The following SCAF4 variants were observed in gnomAD, a reference collection of about 807,000 sequenced individuals.
SCAF4 encodes SR-related CTD associated factor 4.
SCAF4 carries 25 observed loss-of-function variants against 129.8 expected under a neutral mutation model. The ratio of observed to expected loss-of-function variants is 0.19; its 90% confidence interval spans 0.14 to 0.27. The LOEUF is 0.27. Ranked by LOEUF, SCAF4 falls within the 10% of genes least tolerant of loss-of-function variation. The probability of loss-of-function intolerance (pLI) is 1.00; values close to 1 mark genes in which losing one functional copy is unlikely to be tolerated. For missense variants in SCAF4, 1,246 were observed against 1,457.1 expected (o/e 0.86, Z 2.36); for synonymous variants, 551 against 497.7 (o/e 1.11, Z -1.43).
chr21:31,671,943 G>T lies in SCAF4; in HGVS notation c.2900C>A (p.Pro967Gln), dbSNP rs1181761598. Residue 967 changes from proline to glutamine, a missense_variant, in exon 20 of 20, where the codon CCA becomes CAA. Physicochemically the swap from Pro to Gln is moderately conservative, Grantham distance 76. Transcript: ENST00000286835. The part of the protein sequence containing the change: ...QQPQQQQQQQ[P>Q]PPSQQPPPTQ... ...TGGTGGAGGCTGTTGTGATGGTGGT[G>T]GCTGCTGCTGCTGCTGCTGCTGTGG... The T allele has an allele frequency of 9.3e-6, 15 of 1,606,392 alleles. No individual in the cohort carries two copies. Among genetic ancestry groups the T allele is most frequent in the East Asian group, 4.5e-5 (2 of 44,812 alleles).
At chr21:31,689,705 G>A (rs2050212733) in intron 15 of SCAF4, among the ~76,000 whole-genome samples, 1 of 151,316 alleles carries the variant, frequency 6.6e-6, no homozygotes, top group Admixed American at 6.6e-5. Flanking sequence ...TGAGGCAGTA[G>A]GCAGATCACC....
intron 1 of SCAF4, among the ~76,000 whole-genome samples, chr21:31,729,692 GAA>G (rs1409532690): frequency 6.6e-6 from 1 of 152,192 alleles, no homozygotes; most frequent in African/African-American, 2.4e-5. Context: ...TAATTTAGCA[GAA>G]GAGAGCTGGC....
At chr21:31,692,175 G>T (rs2050275021) in intron 13 of SCAF4, 174 bp downstream of exon 13, 1 of 592,932 alleles carries the variant, frequency 1.7e-6, no homozygotes, top group Non-Finnish European at 3.0e-6. Context: ...TAAATACAAA[G>T]AATTCTAAGA....
chr21:31,718,013 G>A (rs954434951), intron 1 of SCAF4, among the ~76,000 whole-genome samples: 6 of 151,142 alleles, frequency 4.0e-5, no homozygotes, highest in Admixed American at 6.6e-5. Flanking sequence ...GCGCGATCTC[G>A]GCTCACCACA....
At chr21:31,683,518 G>C (rs1349865930) in intron 19 of SCAF4, among the ~76,000 whole-genome samples, 3 of 152,100 alleles carry the variant, frequency 2.0e-5, no homozygotes, top group Non-Finnish European at 4.4e-5. Flanking sequence ...GAGTTCATGA[G>C]ATCTTTTCAC....
intron 1 of SCAF4, among the ~76,000 whole-genome samples, chr21:31,729,518 C>G (rs1023085120): frequency 6.6e-6 from 1 of 152,174 alleles, no homozygotes; most frequent in African/African-American, 2.4e-5. Flanking sequence ...GGTGAGCAGG[C>G]ACTCAAAAGT....
chr21:31,674,446 T>C (rs1281578021), intron 19 of SCAF4, among the ~76,000 whole-genome samples: 1 of 152,218 alleles, frequency 6.6e-6, no homozygotes, highest in African/African-American at 2.4e-5. Context: ...CTGGGTTTCC[T>C]TTTAACCCTT....
At position 31,706,581 on chromosome 21, in the gene SCAF4, G is replaced by C. The variant is rs2050669352; in HGVS notation, c.31-224C>G. 2.9e-5 allele frequency: 15 copies of C among 515,016 alleles called. 1 individual carries two copies. In the South Asian group the frequency reaches 4.0e-4, roughly 14 times the overall value. The allele number at this position is 515,016 out of a possible 1,614,324, so 31.9% of individuals were successfully genotyped here. On this transcript the variant is annotated intron_variant, in intron 1 of 19. Coordinates refer to ENST00000286835, the MANE Select transcript of SCAF4 (RefSeq NM_020706.2). ...CAAGAAGAAGGTTAGCTCTGCCAAAGGGGTGGCGAAGGGGTAGTGAAATGA... is the reference window on the plus strand; with the variant it reads ...CAAGAAGAAGGTTAGCTCTGCCAAACGGGTGGCGAAGGGGTAGTGAAATGA...
chr21:31,709,702 C>T (rs1387608197), intron 1 of SCAF4, among the ~76,000 whole-genome samples: 1 of 152,098 alleles, frequency 6.6e-6, no homozygotes, highest in Non-Finnish European at 1.5e-5. Flanking sequence ...CAGAGTATTA[C>T]TACATTCCAT....
At chr21:31,694,502 T>C (rs1052050002) in intron 10 of SCAF4, among the ~76,000 whole-genome samples, 15 of 152,202 alleles carry the variant, frequency 9.9e-5, no homozygotes, top group African/African-American at 3.6e-4. Context: ...TTAAAAGAAA[T>C]ATTTCTCTAC....
Position 31,701,880 on chromosome 21 carries a change from G to C in SCAF4, c.496C>G (p.Pro166Ala), listed in dbSNP as rs1568847071. 2 of 1,614,048 alleles carry C rather than the reference G, an allele frequency of 1.2e-6. No homozygotes were observed. Among genetic ancestry groups the C allele is most frequent in the Non-Finnish European group, 1.7e-6 (2 of 1,179,988 alleles). The change falls in exon 6 of 20, where the codon CCC (proline) becomes GCC (alanine). Residue 166 changes from proline (P) to alanine (A), a missense_variant. Transcript: ENST00000286835. ...PPPVKVSSEP[P>A]TQATPNSVPA... ...ACGGAGTTTGGAGTGGCTTGTGTGGGAGGTTCAGAAGAAACTTTTACTGGA... is the reference window on the plus strand; with the variant it reads ...ACGGAGTTTGGAGTGGCTTGTGTGGCAGGTTCAGAAGAAACTTTTACTGGA...
In SCAF4 at chr21:31,672,013, G is replaced by A. The variant is rs2049716913; in HGVS notation, c.2830C>T (p.Pro944Ser). 2 of 1,613,200 alleles carry A rather than the reference G, an allele frequency of 1.2e-6. No homozygotes were observed. Among genetic ancestry groups the A allele is most frequent in the South Asian group, 1.1e-5 (1 of 91,048 alleles). Residue 944 changes from proline (P) to serine (S), a missense_variant, in exon 20 of 20, where the codon CCG becomes TCG. Pro to Ser is a moderately conservative substitution (Grantham distance 74, BLOSUM62 -1). Transcript: ENST00000286835. ...TGTGGCTGCTGCTGTGGCTGCTGCG[G>A]CGGCTGTTGCCTTCCGTCTCTGTCT... ...PEDRDGRQQP[P>S]QQPQQQPQPQ...
rs760099015 is a variant in SCAF4, at chr21:31,685,092, C to T, written c.2445G>A (p.Thr815=). The T allele has an allele frequency of 1.5e-5, 24 of 1,612,794 alleles. No homozygotes were observed. The highest frequency in any genetic ancestry group is 1.8e-4 in the Middle Eastern group (1 of 5,448). The change falls in exon 19 of 20, where the codon ACG becomes ACA. Residue 815 remains threonine (T), a synonymous_variant. Coordinates refer to ENST00000286835, the MANE Select transcript of SCAF4 (RefSeq NM_020706.2). ...YGSAVPPAAP[T]NLPTPPVTQP... is the part of the protein sequence containing the mutation. ...GGGTTACAGGAGGGGTGGGCAGATT[C>T]GTGGGTGCAGCAGGTGGCACGGCAG...
At chr21:31,718,100 C>T (rs1464372853) in intron 1 of SCAF4, among the ~76,000 whole-genome samples, 1 of 152,076 alleles carries the variant, frequency 6.6e-6, no homozygotes, top group Non-Finnish European at 1.5e-5. Flanking sequence ...TGTGCCACCA[C>T]ACCTGGCTAA....
intron 1 of SCAF4, among the ~76,000 whole-genome samples, chr21:31,729,203 C>G (rs937038319): frequency 6.6e-6 from 1 of 152,192 alleles, no homozygotes; most frequent in Non-Finnish European, 1.5e-5. Context: ...CTTGTCAGGC[C>G]CAAACTACTT....
intron 1 of SCAF4, chr21:31,706,954 A>T (rs2050679456): frequency 3.2e-6 from 1 of 308,450 alleles, no homozygotes; most frequent in Admixed American, 4.5e-5. Flanking sequence ...TGTAAATGCA[A>T]GATTTTAGTA....
At chr21:31,712,828 C>T (rs2050836993) in intron 1 of SCAF4, 1 of 924,300 alleles carries the variant, frequency 1.1e-6, no homozygotes, top group East Asian at 1.2e-4. Context: ...CTGTGCCTGG[C>T]CTGATTCTCC....
intron 2 of SCAF4, 97 bp downstream of exon 2, chr21:31,706,177 C>A: frequency 1.3e-6 from 1 of 789,110 alleles, no homozygotes. Context: ...TTGATTTAGG[C>A]CTGAACTAAT....
At chr21:31,684,693 AG>A (rs1252982680) in intron 19 of SCAF4, 1 of 217,822 alleles carries the variant, frequency 4.6e-6, no homozygotes, top group Non-Finnish European at 9.2e-6. Flanking sequence ...AGCTGGGAAG[AG>A]ACTAAGGTTA....
Sources: gnomAD v4.1 joint callset for allele counts (sites outside exome capture counted in the v4.1 genomes callset) on GRCh38, gnomAD v4.1.1 for gene constraint, MANE v1.5 for transcripts, NCBI Gene and HGNC (gene_info 2026-07-23, HGNC 2026-07-21) for gene names.